The following SNX29 variants were observed in gnomAD, a reference collection of about 807,000 sequenced individuals.
SNX29 encodes sorting nexin-29.
In SNX29, 78 loss-of-function variants were observed where a neutral mutation model predicts 102.1. The observed-to-expected ratio is 0.76, with a 90% CI of 0.64 to 0.92. The LOEUF is 0.92. SNX29 is among the 40% of genes least tolerant of loss of function. The pLI is 0.00. For missense variants in SNX29, 1,280 were observed against 1,061.7 expected, an observed-to-expected ratio of 1.21 and a Z score of -2.86; for synonymous variants, 580 against 414.5, an observed-to-expected ratio of 1.40 and a Z score of -4.85.
At chr16:12,237,039 A>G (rs1424127122) in intron 14 of SNX29, among the ~76,000 whole-genome samples, 1 of 152,110 alleles carries the variant, frequency 6.6e-6, no homozygotes, top group African/African-American at 2.4e-5. Context: ...TTCTTATAGA[A>G]TATCTTGGGA....
intron 20 of SNX29, among the ~76,000 whole-genome samples, chr16:12,551,802 C>G (rs1295314288): frequency 2.0e-5 from 3 of 152,330 alleles, no homozygotes; most frequent in African/African-American, 7.2e-5. Context: ...GGGCATCAAA[C>G]TTCTGTATCC....
In SNX29 at chr16:12,572,352, A is replaced by G; in HGVS notation, c.*3723A>G. 1 of 1,063,026 alleles carries G rather than the reference A, an allele frequency of 9.4e-7. No individual in the cohort carries two copies. The highest frequency in any genetic ancestry group is 1.1e-6 in the Non-Finnish European group (1 of 877,796). The allele number at this position is 1,063,026 out of a possible 1,614,324, so 65.8% of individuals were successfully genotyped here. A position where few individuals can be genotyped will look rare whatever the true frequency, so the allele number is the denominator to read the frequency against. On this transcript the variant is annotated 3_prime_UTR_variant, in exon 21 of 21. Coordinates refer to ENST00000566228, the MANE Select transcript of SNX29 (RefSeq NM_032167.5). Reference sequence around the variant, plus strand: ...GCCCACCAGCCTGCCTGGTTGATGGACAGCAGGCTCTGCCTTCTGGAGGCG... The same window carrying G: ...GCCCACCAGCCTGCCTGGTTGATGGGCAGCAGGCTCTGCCTTCTGGAGGCG...
At chr16:12,256,008 G>T (rs2078561819) in intron 14 of SNX29, among the ~76,000 whole-genome samples, 1 of 152,144 alleles carries the variant, frequency 6.6e-6, no homozygotes, top group Non-Finnish European at 1.5e-5. Context: ...GTGTACAAGG[G>T]TTCCCTTTTC....
At chr16:12,449,299 A>G (rs1294882953) in intron 18 of SNX29, among the ~76,000 whole-genome samples, 2 of 151,992 alleles carry the variant, frequency 1.3e-5, no homozygotes, top group East Asian at 1.9e-4. Context: ...GCCCTCCAAG[A>G]TAAGTAGAAC....
intron 20 of SNX29, among the ~76,000 whole-genome samples, chr16:12,542,865 G>A (rs1028532414): frequency 6.6e-6 from 1 of 151,672 alleles, no homozygotes; most frequent in Non-Finnish European, 1.5e-5. Context: ...AATGCTAAAT[G>A]TCTGAGTCTC....
chr16:12,438,818 C>T (rs1039293422), intron 18 of SNX29, among the ~76,000 whole-genome samples: 10 of 152,114 alleles, frequency 6.6e-5, no homozygotes, highest in African/African-American at 1.9e-4. Context: ...GTGGAAGGAA[C>T]GTTCTAGACT....
chr16:12,117,046 T>C (rs571366668), intron 11 of SNX29, among the ~76,000 whole-genome samples: 2 of 53,518 alleles, frequency 3.7e-5, no homozygotes, highest in East Asian at 9.9e-4. Context: ...AACAGGCGTG[T>C]TCAATACGTG....
intron 1 of SNX29, among the ~76,000 whole-genome samples, chr16:11,991,349 A>C (rs2055839684): frequency 1.3e-5 from 2 of 152,192 alleles, no homozygotes; most frequent in Admixed American, 6.5e-5. Flanking sequence ...AGGAACAGCA[A>C]CTGAGGCAGG....
chr16:12,546,689 G>T (rs190512142), intron 20 of SNX29: 2 of 152,172 alleles, frequency 1.3e-5, no homozygotes, highest in Non-Finnish European at 2.9e-5. Context: ...AATCCATCTA[G>T]ACCCACTGTG....
intron 4 of SNX29, among the ~76,000 whole-genome samples, chr16:12,031,688 C>A (rs971857313): frequency 6.6e-6 from 1 of 151,886 alleles, no homozygotes; most frequent in Non-Finnish European, 1.5e-5. Context: ...GCCTATAGTC[C>A]CAGCTACTTG....
chr16:12,266,570 T>C (rs570722167), intron 14 of SNX29, among the ~76,000 whole-genome samples: 1 of 151,632 alleles, frequency 6.6e-6, no homozygotes, highest in Non-Finnish European at 1.5e-5. Flanking sequence ...AATGAAATAA[T>C]ATATATTTGC....
At chr16:12,436,747 G>A (rs925779202) in intron 18 of SNX29, among the ~76,000 whole-genome samples, 5 of 152,204 alleles carry the variant, frequency 3.3e-5, no homozygotes, top group Non-Finnish European at 4.4e-5. Flanking sequence ...TCCGCCTCCC[G>A]GGTTCAAGCA....
rs1302750026 is a variant in SNX29 at position 12,573,402 on chromosome 16, A to C, written c.*4773A>C. The C allele has an allele frequency of 4.5e-6, 1 of 224,162 alleles. No homozygotes were observed. Among genetic ancestry groups the C allele is most frequent in the East Asian group, 6.5e-5 (1 of 15,322 alleles). 13.9% of individuals were successfully genotyped at this position (224,162 alleles called of 1,614,324 possible). A position where few individuals can be genotyped will look rare whatever the true frequency, so the allele number is the denominator to read the frequency against. On this transcript the variant is annotated 3_prime_UTR_variant, in exon 21 of 21. Transcript: ENST00000566228. The stretch of plus-strand genomic sequence containing the variant: ...ATCCTTCCTTATAGCTAGTTTCTAT[A>C]GAGAAGTGAAAAAGAAATCTGGCTT...
chr16:12,503,233 G>A (rs1030583360), intron 19 of SNX29, among the ~76,000 whole-genome samples: 1 of 152,092 alleles, frequency 6.6e-6, no homozygotes, highest in Non-Finnish European at 1.5e-5. Flanking sequence ...CCTTCCCTGC[G>A]ACGTTCCTTT....
intron 18 of SNX29, among the ~76,000 whole-genome samples, chr16:12,411,861 G>A (rs1346693402): frequency 6.6e-6 from 1 of 152,196 alleles, no homozygotes; most frequent in African/African-American, 2.4e-5. Context: ...TGTTACCTTT[G>A]TGATCTGATA....
At chr16:12,207,961 C>T (rs1015959547) in intron 14 of SNX29, among the ~76,000 whole-genome samples, 15 of 152,100 alleles carry the variant, frequency 9.9e-5, no homozygotes, top group Non-Finnish European at 4.4e-5. Flanking sequence ...AAGTACACAA[C>T]AGGTGCTTAA....
intron 18 of SNX29, among the ~76,000 whole-genome samples, chr16:12,429,060 G>A (rs1305747181): frequency 1.5e-4 from 23 of 150,388 alleles, no homozygotes; most frequent in Admixed American, 1.3e-4. Context: ...ACACAGATAC[G>A]ATTGCAACTA....
At chr16:12,448,361 G>A (rs1246397900) in intron 18 of SNX29, among the ~76,000 whole-genome samples, 1 of 152,094 alleles carries the variant, frequency 6.6e-6, no homozygotes, top group African/African-American at 2.4e-5. Context: ...GCTGAGTATT[G>A]GACAGCGTTT....
At position 12,568,542 on chromosome 16, in the gene SNX29, GC is replaced by G; in HGVS notation, c.2358del (p.Ala788GlnfsTer56). 1 of 1,609,494 alleles carries G rather than the reference GC, an allele frequency of 6.2e-7. No homozygotes were observed. On this transcript the variant is annotated frameshift_variant, in exon 21 of 21. Transcript: ENST00000566228. LOFTEE classifies it high-confidence loss of function. The stretch of plus-strand genomic sequence containing the variant: ...CGCCCGGAGAGCCTGTGAACAGCCG[GC>G]CCAAAGCAGCTTCCCGCTTCCCCAA... ...TPPGEPVNSR[P>X]KAASRFPKLS...
Sources: allele counts gnomAD v4.1 joint callset (sites outside exome capture counted in the v4.1 genomes callset), GRCh38; gene constraint gnomAD v4.1.1; transcripts MANE v1.5; gene names NCBI Gene and HGNC (gene_info 2026-07-23, HGNC 2026-07-21).